SSBP2: variants seen among roughly 807,000 people sequenced by gnomAD.
The protein encoded by SSBP2 is single-stranded DNA-binding protein 2.
Under a neutral mutation model 61.8 loss-of-function variants are expected in SSBP2, and 17 were observed. The observed-to-expected ratio is 0.28, with a 90% confidence interval of 0.19 to 0.41. The LOEUF is 0.41. SSBP2 is among the 10% of genes least tolerant of loss of function. The pLI, the probability that SSBP2 is intolerant of heterozygous loss-of-function variation, is 1.00. For missense variants in SSBP2, 310 were observed against 458.7 expected (o/e 0.68, Z 2.96); for synonymous variants, 139 against 141.3 (o/e 0.98, Z 0.12).
chr5:81,750,469 G>A (rs1253205627), intron 1 of SSBP2, among the ~76,000 whole-genome samples: 1 of 143,386 alleles, frequency 7.0e-6, no homozygotes, highest in Non-Finnish European at 1.5e-5. Flanking sequence ...CGCGCTCGCG[G>A]CCCTAAGCCC....
At chr5:81,661,436 A>G (rs1750687904) in intron 1 of SSBP2, among the ~76,000 whole-genome samples, 1 of 152,166 alleles carries the variant, frequency 6.6e-6, no homozygotes, top group African/African-American at 2.4e-5. Flanking sequence ...ACTGTTTTCC[A>G]TAATGGCTGT....
intron 13 of SSBP2, among the ~76,000 whole-genome samples, chr5:81,441,807 A>G (rs922552774): frequency 2.0e-5 from 3 of 152,214 alleles, no homozygotes; most frequent in African/African-American, 7.2e-5. Flanking sequence ...CACTGATATA[A>G]GGCATATATA....
At chr5:81,633,682 T>C (rs1355119653) in intron 3 of SSBP2, among the ~76,000 whole-genome samples, 1 of 152,102 alleles carries the variant, frequency 6.6e-6, no homozygotes, top group African/African-American at 2.4e-5. Flanking sequence ...CATTTCCCTC[T>C]CCTTTAAACA....
intron 15 of SSBP2, among the ~76,000 whole-genome samples, chr5:81,433,346 C>T (rs1300054438): frequency 6.6e-6 from 1 of 152,102 alleles, no homozygotes; most frequent in Admixed American, 6.5e-5. Context: ...GCGGTGTCCA[C>T]TCAGGGTTAA....
At chr5:81,519,667 C>T (rs1769307427) in intron 4 of SSBP2, among the ~76,000 whole-genome samples, 1 of 151,788 alleles carries the variant, frequency 6.6e-6, no homozygotes, top group African/African-American at 2.4e-5. Flanking sequence ...GCCATGCAGA[C>T]CAAAAAAAAA....
intron 1 of SSBP2, among the ~76,000 whole-genome samples, chr5:81,711,699 A>AT (rs1201680766): frequency 1.3e-5 from 2 of 151,936 alleles, no homozygotes; most frequent in Non-Finnish European, 2.9e-5. Context: ...ATGATAAAAA[A>AT]AAAAATAAAA....
At chr5:81,599,835 T>G (rs1744162536) in intron 4 of SSBP2, among the ~76,000 whole-genome samples, 5 of 152,214 alleles carry the variant, frequency 3.3e-5, no homozygotes, top group Admixed American at 3.3e-4. Flanking sequence ...AATTCTGAAC[T>G]CCTTCTAAGC....
intron 16 of SSBP2, among the ~76,000 whole-genome samples, chr5:81,427,425 G>C (rs1006272359): frequency 6.6e-6 from 1 of 151,926 alleles, no homozygotes; most frequent in South Asian, 2.1e-4. Context: ...TAACAGAAAC[G>C]AACTCTAAAA....
At chr5:81,511,631 A>G (rs1768616560) in intron 5 of SSBP2, among the ~76,000 whole-genome samples, 1 of 152,210 alleles carries the variant, frequency 6.6e-6, no homozygotes, top group Non-Finnish European at 1.5e-5. Context: ...TTGGTGGACA[A>G]TGTTTTCCAA....
At chr5:81,518,081 T>C (rs1182543486) in intron 4 of SSBP2, among the ~76,000 whole-genome samples, 1 of 152,122 alleles carries the variant, frequency 6.6e-6, no homozygotes, top group East Asian at 1.9e-4. Context: ...TGCCTAATTA[T>C]ACAGTGAAGA....
At chr5:81,609,469 G>A (rs549958540) in intron 4 of SSBP2, among the ~76,000 whole-genome samples, 13 of 152,186 alleles carry the variant, frequency 8.5e-5, no homozygotes, top group African/African-American at 2.4e-4. Flanking sequence ...TACACAGCTC[G>A]TATACCTTTC....
intron 1 of SSBP2, among the ~76,000 whole-genome samples, chr5:81,730,847 G>C (rs1444155385): frequency 1.3e-5 from 2 of 152,158 alleles, no homozygotes; most frequent in Non-Finnish European, 2.9e-5. Context: ...GCCAAATGAT[G>C]AACATTTTAC....
At chr5:81,631,418 G>C (rs1224918090) in intron 3 of SSBP2, among the ~76,000 whole-genome samples, 1 of 150,866 alleles carries the variant, frequency 6.6e-6, no homozygotes, top group African/African-American at 2.4e-5. Context: ...TCCTCTTAAA[G>C]ATGCTAAGAG....
chr5:81,584,282 C>T (rs374760393), intron 4 of SSBP2, among the ~76,000 whole-genome samples: 30 of 152,138 alleles, frequency 2.0e-4, no homozygotes, highest in East Asian at 5.8e-4. Context: ...CCTAGTAATA[C>T]GCATTATATT....
upstream of SSBP2, chr5:81,751,111 C>A: frequency 6.6e-7 from 1 of 1,504,900 alleles, no homozygotes; most frequent in South Asian, 1.2e-5. Flanking sequence ...GGGAACAGCC[C>A]CGTCCCCATG....
intron 15 of SSBP2, among the ~76,000 whole-genome samples, chr5:81,436,815 ATT>A (rs1415681468): frequency 1.3e-5 from 2 of 152,150 alleles, no homozygotes; most frequent in Non-Finnish European, 2.9e-5. Context: ...AATATAAGGC[ATT>A]TTAGTAAAGG....
intron 14 of SSBP2, among the ~76,000 whole-genome samples, chr5:81,439,219 G>A (rs1762855679): frequency 6.6e-6 from 1 of 151,288 alleles, no homozygotes; most frequent in African/African-American, 2.4e-5. Flanking sequence ...AGTAAAAGAT[G>A]AACCCTTTCC....
intron 5 of SSBP2, among the ~76,000 whole-genome samples, chr5:81,498,351 A>G (rs1385918650): frequency 6.6e-6 from 1 of 152,134 alleles, no homozygotes; most frequent in African/African-American, 2.4e-5. Flanking sequence ...GTATATACCA[A>G]ATCTATCTCA....
chr5:81,615,771 T>C (rs1561609609), intron 3 of SSBP2, among the ~76,000 whole-genome samples: 4 of 152,036 alleles, frequency 2.6e-5, no homozygotes, highest in African/African-American at 7.2e-5. Flanking sequence ...AAGACTTTTA[T>C]AAAAAAAAAT....
Sources: allele counts gnomAD v4.1 joint callset (sites outside exome capture counted in the v4.1 genomes callset), GRCh38; gene constraint gnomAD v4.1.1; transcripts MANE v1.5; gene names NCBI Gene and HGNC (gene_info 2026-07-23, HGNC 2026-07-21).